The following WSCD2 variants were observed in gnomAD, a reference collection of about 807,000 sequenced individuals.
WSCD2 encodes the protein sialate:O-sulfotransferase 2.
A neutral mutation model predicts 55.7 loss-of-function variants in WSCD2; 28 were observed. The ratio of observed to expected loss-of-function variants is 0.50; its 90% CI spans 0.37 to 0.69. The LOEUF (loss-of-function observed/expected upper bound fraction) is 0.69. Among genes scored for constraint, WSCD2 ranks in the 30% least tolerant of loss-of-function variants. WSCD2 has a pLI of 0.00. For synonymous variants in WSCD2, 301 were observed against 301.9 expected, an observed-to-expected ratio of 1.00 and a Z score of 0.03; for missense variants, 616 against 762.1, an observed-to-expected ratio of 0.81 and a Z score of 2.26.
chr12:108,188,746 T>A (rs903502614), intron 1 of WSCD2, among the ~76,000 whole-genome samples: 8 of 152,114 alleles, frequency 5.3e-5, no homozygotes, highest in African/African-American at 1.9e-4. Flanking sequence ...TCAGAAAGGT[T>A]CCTTTCATCA....
intron 5 of WSCD2, 93 bp from the exon 6 acceptor site, chr12:108,226,896 TG>T: frequency 7.1e-7 from 1 of 1,400,192 alleles, no homozygotes; most frequent in Non-Finnish European, 9.6e-7. Flanking sequence ...GAGAAGACAG[TG>T]GTTGAAATGC....
At chr12:108,165,723 G>A (rs566467972) in intron 1 of WSCD2, among the ~76,000 whole-genome samples, 1 of 152,260 alleles carries the variant, frequency 6.6e-6, no homozygotes, top group South Asian at 2.1e-4. Flanking sequence ...TCCCACATTT[G>A]CTGTTTTTCT....
chr12:108,248,361 A>G lies in WSCD2; in HGVS notation c.*18A>G. On this transcript the variant is annotated 3_prime_UTR_variant, in exon 9 of 9. Coordinates refer to ENST00000547525, the MANE Select transcript of WSCD2 (RefSeq NM_014653.4). The surrounding 1 kb of genome is among the most constrained non-coding windows in gnomAD (Gnocchi z 4.3). ...CAAGATGATGCGTCCACACAGGGGG[A>G]GGGTAGACTGGGAGTCCTGACCACG... The G allele has an allele frequency of 1.9e-6, 3 of 1,598,646 alleles. No individual in the cohort carries two copies. The highest frequency in any genetic ancestry group is 1.7e-6 in the Non-Finnish European group (2 of 1,169,766).
At chr12:108,130,866 C>G (rs1252645928) in intron 1 of WSCD2, among the ~76,000 whole-genome samples, 3 of 152,062 alleles carry the variant, frequency 2.0e-5, no homozygotes, top group Admixed American at 2.0e-4. Flanking sequence ...CTGCTGAGCC[C>G]CATGCACAGC....
At chr12:108,160,008 G>T (rs985467183) in intron 1 of WSCD2, among the ~76,000 whole-genome samples, 1 of 152,154 alleles carries the variant, frequency 6.6e-6, no homozygotes, top group Non-Finnish European at 1.5e-5. Context: ...TATTAGACAC[G>T]GTATGATAGC....
At chr12:108,137,823 C>G (rs925091751) in intron 1 of WSCD2, among the ~76,000 whole-genome samples, 1 of 152,220 alleles carries the variant, frequency 6.6e-6, no homozygotes, top group African/African-American at 2.4e-5. Context: ...GAAAAATTCA[C>G]GTACGTGGAA....
At chr12:108,226,606 C>A (rs1029107553) in intron 5 of WSCD2, among the ~76,000 whole-genome samples, 4 of 152,218 alleles carry the variant, frequency 2.6e-5, no homozygotes, top group South Asian at 4.1e-4. Flanking sequence ...GGCTCACAGT[C>A]TTGGTTGGCC....
rs559546028 is a variant in WSCD2, at chr12:108,130,475, GGTGTGTGTGT to G, written c.-552+586_-552+595del. Among the ~76,000 whole-genome samples the G allele has an allele frequency of 4.8e-3, 652 of 134,458 alleles. 5 individuals are homozygous for G. Among genetic ancestry groups the G allele is most frequent in the African/African-American group, 0.01 (375 of 36,876 alleles). 88.2% of individuals were successfully genotyped at this position (134,458 alleles called of 152,430 possible). A position where few individuals can be genotyped will look rare whatever the true frequency, so the allele number is the denominator to read the frequency against. The stretch of plus-strand genomic sequence containing the variant: ...GCAGATTTGCTTATGTCCATTCTGG[GGTGTGTGTGT>G]GTGTGTGTGTGTGTGTGTGTGTGTG... On this transcript the variant is annotated intron_variant, in intron 1 of 8. Coordinates refer to ENST00000547525, the MANE Select transcript of WSCD2 (RefSeq NM_014653.4).
chr12:108,225,018 G>A lies in WSCD2; in HGVS notation c.804+158G>A, dbSNP rs144374805. Among the ~76,000 whole-genome samples, 155 of 152,324 alleles carry A rather than the reference G, an allele frequency of 1.0e-3. 1 individual carries two copies. Among genetic ancestry groups the A allele is most frequent in the Middle Eastern group, 6.8e-3 (2 of 294 alleles). ...TGGGAGAGGGATGTGACCATTTCAC[G>A]TGGATCTAAGGGGCTGCAGCTACAC... is the stretch of plus-strand genomic sequence containing the variant. On this transcript the variant is annotated intron_variant, in intron 5 of 8. Coordinates refer to ENST00000547525, the MANE Select transcript of WSCD2 (RefSeq NM_014653.4).
At chr12:108,244,172 G>T (rs1409429210) in intron 8 of WSCD2, among the ~76,000 whole-genome samples, 1 of 152,196 alleles carries the variant, frequency 6.6e-6, no homozygotes, top group African/African-American at 2.4e-5. Flanking sequence ...GACAGTTCCG[G>T]TGGAACCAGA....
chr12:108,137,065 A>G (rs1876302811), intron 1 of WSCD2, among the ~76,000 whole-genome samples: 1 of 152,226 alleles, frequency 6.6e-6, no homozygotes, highest in Non-Finnish European at 1.5e-5. Context: ...CTCCAGAGAC[A>G]GTGGATCACC....
At chr12:108,246,437 G>A (rs1343479834) in intron 8 of WSCD2, among the ~76,000 whole-genome samples, 2 of 152,162 alleles carry the variant, frequency 1.3e-5, no homozygotes, top group Non-Finnish European at 2.9e-5. Context: ...TCATGGTTTT[G>A]GAGCTCCTGC....
intron 7 of WSCD2, among the ~76,000 whole-genome samples, chr12:108,234,552 T>C (rs1323513464): frequency 4.6e-5 from 7 of 152,360 alleles, no homozygotes; most frequent in Middle Eastern, 3.4e-3. Flanking sequence ...GCTGAGGGTA[T>C]TACATGCTTA....
At chr12:108,222,368 T>C (rs1160347069) in intron 4 of WSCD2, among the ~76,000 whole-genome samples, 2 of 152,348 alleles carry the variant, frequency 1.3e-5, no homozygotes, top group East Asian at 1.9e-4. Context: ...CTCGAAGCCC[T>C]GTTTCTCTCA....
intron 1 of WSCD2, among the ~76,000 whole-genome samples, chr12:108,181,241 T>TCCTC (rs1881706487): frequency 6.6e-6 from 1 of 152,184 alleles, no homozygotes; most frequent in Non-Finnish European, 1.5e-5. Flanking sequence ...AGACAGACCT[T>TCCTC]CCTCCCTCCC....
chr12:108,156,436 G>C (rs1878519861), intron 1 of WSCD2, among the ~76,000 whole-genome samples: 1 of 152,182 alleles, frequency 6.6e-6, no homozygotes, highest in Non-Finnish European at 1.5e-5. Context: ...GTGCATAGTA[G>C]GGTCTTCATA....
chr12:108,247,031 CT>C (rs1890143953), intron 8 of WSCD2, among the ~76,000 whole-genome samples: 1 of 152,148 alleles, frequency 6.6e-6, no homozygotes, highest in South Asian at 2.1e-4. Flanking sequence ...GTTTTTTCTA[CT>C]TTGTACAAGA....
chr12:108,211,427 G>A (rs1795927554), intron 4 of WSCD2, among the ~76,000 whole-genome samples: 2 of 152,106 alleles, frequency 1.3e-5, no homozygotes, highest in South Asian at 2.1e-4. Context: ...AGAGCTCCCA[G>A]GTGATGCCAG....
At chr12:108,190,650 G>A (rs1883047307) in intron 1 of WSCD2, among the ~76,000 whole-genome samples, 1 of 152,188 alleles carries the variant, frequency 6.6e-6, no homozygotes, top group Non-Finnish European at 1.5e-5. Flanking sequence ...CAACACCAGA[G>A]CCTCATTCTG....
Sources: allele counts gnomAD v4.1 joint callset (sites outside exome capture counted in the v4.1 genomes callset), GRCh38; gene constraint gnomAD v4.1.1; non-coding constraint Gnocchi (gnomAD v3.1); transcripts MANE v1.5; gene names NCBI Gene and HGNC (gene_info 2026-07-23, HGNC 2026-07-21).